Variants in JAZF1 observed in about 807,000 individuals in gnomAD.
JAZF1 encodes juxtaposed with another zinc finger protein 1.
Under a neutral mutation model 26.4 loss-of-function variants are expected in JAZF1, and 8 were observed. That is an observed-to-expected ratio of 0.30 (90% confidence interval 0.18 to 0.55). The LOEUF (loss-of-function observed/expected upper bound fraction) is 0.55, where lower values mean the gene tolerates loss of function less well. Among genes scored for constraint, JAZF1 ranks in the 20% least tolerant of loss-of-function variants. JAZF1 has a pLI of 0.94. For synonymous variants in JAZF1, 126 were observed against 122.3 expected, an observed-to-expected ratio of 1.03 and a Z score of -0.20; for missense variants, 199 against 322.0, an observed-to-expected ratio of 0.62 and a Z score of 2.92.
chr7:28,075,450 TACAG>T (rs1339254517), intron 1 of JAZF1, among the ~76,000 whole-genome samples: 1 of 152,168 alleles, frequency 6.6e-6, no homozygotes, highest in Non-Finnish European at 1.5e-5. Flanking sequence ...AATACACACA[TACAG>T]AGAGTAAAAA....
intron 1 of JAZF1, among the ~76,000 whole-genome samples, chr7:28,020,052 C>T (rs1330457444): frequency 2.0e-5 from 3 of 152,186 alleles, no homozygotes; most frequent in Non-Finnish European, 4.4e-5. Flanking sequence ...CTGAACACCA[C>T]TTCTCCCTCT....
At chr7:28,127,678 T>C (rs113306679) in intron 1 of JAZF1, among the ~76,000 whole-genome samples, 7 of 152,114 alleles carry the variant, frequency 4.6e-5, no homozygotes, top group African/African-American at 1.4e-4. Flanking sequence ...ACTGGGTAAT[T>C]TGTAAAGGAA....
At chr7:28,082,797 G>A (rs1457275928) in intron 1 of JAZF1, among the ~76,000 whole-genome samples, 1 of 152,142 alleles carries the variant, frequency 6.6e-6, no homozygotes, top group Non-Finnish European at 1.5e-5. Flanking sequence ...CCCAGTGACT[G>A]CAAAGGGGGC....
At chr7:28,059,209 A>G (rs1034155779) in intron 1 of JAZF1, among the ~76,000 whole-genome samples, 39 of 152,168 alleles carry the variant, frequency 2.6e-4, no homozygotes, top group Non-Finnish European at 4.7e-4. Flanking sequence ...TTCTTTTGGT[A>G]GGACTCTGCC....
At chr7:27,843,420 G>A (rs1218562456) in intron 3 of JAZF1, 1 of 152,224 alleles carries the variant, frequency 6.6e-6, no homozygotes, top group Admixed American at 6.5e-5. Flanking sequence ...AGTGTGTATA[G>A]AATACCTGGG....
chr7:27,907,627 G>A (rs111694163), intron 2 of JAZF1, among the ~76,000 whole-genome samples: 18 of 152,278 alleles, frequency 1.2e-4, no homozygotes, highest in African/African-American at 3.4e-4. Context: ...AGGGACTCCC[G>A]GGGAATCTAG....
chr7:27,976,122 A>G (rs1427162323), intron 2 of JAZF1, among the ~76,000 whole-genome samples: 1 of 152,164 alleles, frequency 6.6e-6, no homozygotes, highest in African/African-American at 2.4e-5. Flanking sequence ...AGGCGGGCGG[A>G]TCACGAGGTC....
chr7:27,941,494 T>A, intron 2 of JAZF1, among the ~76,000 whole-genome samples: 1 of 152,214 alleles, frequency 6.6e-6, no homozygotes, highest in Non-Finnish European at 1.5e-5. Flanking sequence ...CGATTAAAAA[T>A]GCAACCCTGA....
intron 2 of JAZF1, among the ~76,000 whole-genome samples, chr7:27,900,722 A>G (rs958319977): frequency 2.6e-5 from 4 of 152,232 alleles, no homozygotes; most frequent in Non-Finnish European, 5.9e-5. Context: ...AAAATTGTAA[A>G]AAGTAATATA....
In JAZF1 at chr7:28,148,456, C is replaced by T. The variant is rs556700991; in HGVS notation, c.115+32007G>A. 4.6e-5 allele frequency among the ~76,000 whole-genome samples: 7 copies of T among 152,300 alleles called. No homozygotes were observed. In the East Asian group the frequency reaches 1.2e-3, roughly 25 times the overall value. On this transcript the variant is annotated intron_variant, in intron 1 of 4. Transcript: ENST00000283928. ...TGAATGTACCCATTATTGAACCAAT[C>T]CTCTCTCATCATTACTCACTTAGGA...
In JAZF1 at chr7:27,832,839, G is replaced by A; in HGVS notation, c.693C>T (p.Pro231=). The part of the protein sequence containing the change: ...GLRHHTINFH[P]PVSAEIIRKM... ...TCCTGATAATCTCAGCCGACACCGG[G>A]GGATGGAAATTGATTGTGTGGTGCC... Residue 231 remains proline, a synonymous_variant, in exon 5 of 5, where the codon CCC becomes CCT. Coordinates refer to ENST00000283928, the MANE Select transcript of JAZF1 (RefSeq NM_175061.4). The A allele has an allele frequency of 1.2e-6, 2 of 1,608,360 alleles. No homozygotes were observed. Among genetic ancestry groups the A allele is most frequent in the Non-Finnish European group, 1.7e-6 (2 of 1,176,878 alleles).
intron 1 of JAZF1, among the ~76,000 whole-genome samples, chr7:28,028,455 C>T (rs1342372672): frequency 1.3e-5 from 2 of 152,220 alleles, no homozygotes; most frequent in Admixed American, 1.3e-4. Flanking sequence ...AATCAAACTT[C>T]TTGTGTCCAT....
intron 2 of JAZF1, among the ~76,000 whole-genome samples, chr7:27,974,640 A>T (rs1487706261): frequency 6.6e-6 from 1 of 152,174 alleles, no homozygotes; most frequent in Non-Finnish European, 1.5e-5. Context: ...AGAGAGGCAC[A>T]TATTAGGTTC....
chr7:28,034,236 T>C (rs1295578583), intron 1 of JAZF1, among the ~76,000 whole-genome samples: 1 of 151,190 alleles, frequency 6.6e-6, no homozygotes, highest in African/African-American at 2.4e-5. Context: ...AGTAGAACCT[T>C]ACTTAAGCAA....
At chr7:28,034,990 G>A (rs185239848) in intron 1 of JAZF1, among the ~76,000 whole-genome samples, 14 of 152,120 alleles carry the variant, frequency 9.2e-5, no homozygotes, top group Middle Eastern at 3.4e-3. Context: ...AGGCTGAGCC[G>A]TTACCGTCCT....
chr7:28,031,365 G>A (rs1783185967), intron 1 of JAZF1, among the ~76,000 whole-genome samples: 1 of 152,164 alleles, frequency 6.6e-6, no homozygotes, highest in Admixed American at 6.5e-5. Context: ...TGGTGATGGT[G>A]GGGGATGACA....
intron 2 of JAZF1, among the ~76,000 whole-genome samples, chr7:27,911,132 A>T (rs1234390066): frequency 2.6e-5 from 4 of 152,182 alleles, no homozygotes; most frequent in Non-Finnish European, 2.9e-5. Flanking sequence ...GCCAGATTTA[A>T]TCCATAGCGT....
intron 3 of JAZF1, among the ~76,000 whole-genome samples, chr7:27,858,400 C>G (rs1464880435): frequency 6.6e-6 from 1 of 152,046 alleles, no homozygotes; most frequent in Non-Finnish European, 1.5e-5. Flanking sequence ...TCATATGGAA[C>G]CAAAAAAGGG....
chr7:28,083,388 C>T (rs919181454), intron 1 of JAZF1, among the ~76,000 whole-genome samples: 4 of 152,124 alleles, frequency 2.6e-5, no homozygotes, highest in East Asian at 1.9e-4. Flanking sequence ...TATTTTAGTA[C>T]CTGACCTATG....
Sources: gnomAD v4.1 joint callset for allele counts (sites outside exome capture counted in the v4.1 genomes callset) on GRCh38, gnomAD v4.1.1 for gene constraint, MANE v1.5 for transcripts, NCBI Gene and HGNC (gene_info 2026-07-23, HGNC 2026-07-21) for gene names.